SLC35F2: variants seen among roughly 807,000 people sequenced by gnomAD.
The protein encoded by SLC35F2 is solute carrier family 35 member F2.
In SLC35F2, 25 loss-of-function variants were observed where a neutral mutation model predicts 38.1. The observed-to-expected ratio is 0.66, with a 90% CI of 0.48 to 0.92. The LOEUF is 0.92. Among genes scored for constraint, SLC35F2 ranks in the 40% least tolerant of loss-of-function variants. The probability of loss-of-function intolerance (pLI) is 0.00; values close to 1 mark genes in which losing one functional copy is unlikely to be tolerated. For synonymous variants in SLC35F2, 173 were observed against 181.7 expected, an observed-to-expected ratio of 0.95 and a Z score of 0.38; for missense variants, 409 against 452.9, an observed-to-expected ratio of 0.90 and a Z score of 0.88.
At chr11:107,837,559 T>G (rs1453758864) in intron 1 of SLC35F2, among the ~76,000 whole-genome samples, 1 of 148,940 alleles carries the variant, frequency 6.7e-6, no homozygotes. Flanking sequence ...CTGGGCATGG[T>G]TGCACAGACC....
intron 1 of SLC35F2, among the ~76,000 whole-genome samples, chr11:107,830,599 A>AG (rs56313551): frequency 6.7e-6 from 1 of 149,176 alleles, no homozygotes; most frequent in Admixed American, 6.7e-5. Context: ...AAAAAAAAAA[A>AG]GAAAAGAAAA....
At chr11:107,827,768 C>G (rs1177785347) in intron 1 of SLC35F2, among the ~76,000 whole-genome samples, 1 of 139,608 alleles carries the variant, frequency 7.2e-6, no homozygotes, top group Non-Finnish European at 1.5e-5. Flanking sequence ...AAAAAATTAG[C>G]TGGGCGTGGT....
intron 3 of SLC35F2, 139 bp from the exon 4 acceptor site, chr11:107,807,015 G>C (rs1000327366): frequency 5.7e-6 from 4 of 697,648 alleles, no homozygotes; most frequent in Non-Finnish European, 9.3e-6. Flanking sequence ...CCTGTACTAA[G>C]AGCTTTACCT....
At chr11:107,815,452 G>A (rs1194058718) in intron 2 of SLC35F2, among the ~76,000 whole-genome samples, 2 of 151,602 alleles carry the variant, frequency 1.3e-5, no homozygotes, top group Non-Finnish European at 2.9e-5. Context: ...AGCTTACTAG[G>A]GAGGCTGAGG....
intron 1 of SLC35F2, chr11:107,823,876 C>T: frequency 2.1e-5 from 12 of 559,798 alleles, no homozygotes; most frequent in Non-Finnish European, 2.7e-5. Context: ...TTGCAGTGAG[C>T]CAAGATCATG....
intron 1 of SLC35F2, among the ~76,000 whole-genome samples, chr11:107,833,315 A>T (rs1270530056): frequency 6.6e-6 from 1 of 152,008 alleles, no homozygotes; most frequent in African/African-American, 2.4e-5. Context: ...AGCTCAAGAG[A>T]TCAAGACCAT....
At chr11:107,802,859 G>A (rs7109240) in intron 7 of SLC35F2, 142 bp downstream of exon 7, 73,766 of 749,028 alleles carry the variant, frequency 0.098, 7,581 homozygotes, top group East Asian at 0.44. Flanking sequence ...TAATTCAGAA[G>A]CAGCAAAGGG....
intron 1 of SLC35F2, among the ~76,000 whole-genome samples, chr11:107,832,139 A>G (rs999297935): frequency 3.9e-5 from 6 of 152,148 alleles, no homozygotes; most frequent in African/African-American, 1.4e-4. Flanking sequence ...ATAACAATAC[A>G]ACAGAAGTTT....
Position 107,810,685 on chromosome 11 carries a change from G to C in SLC35F2, c.414+982C>G, listed in dbSNP as rs559559351. The C allele has an allele frequency of 3.4e-4, 331 of 984,758 alleles. No homozygotes were observed. In the African/African-American group the frequency reaches 4.0e-3, roughly 12 times the overall value. 61.0% of individuals were successfully genotyped at this position (984,758 alleles called of 1,614,324 possible). ...AACCCATACTGGTCAAAATCCAAGA[G>C]GTTTCCTGAGAACAATGCTTAGCAC... On this transcript the variant is annotated intron_variant, in intron 3 of 7. Transcript: ENST00000525815.
At chr11:107,824,590 A>G (rs1401290000) in intron 1 of SLC35F2, among the ~76,000 whole-genome samples, 1 of 152,224 alleles carries the variant, frequency 6.6e-6, no homozygotes, top group Non-Finnish European at 1.5e-5. Flanking sequence ...ACATAGCAGA[A>G]AGAATCCTAG....
At chr11:107,843,858 AAAAAAAAAAAATATAT>A (rs1252662772) in intron 1 of SLC35F2, among the ~76,000 whole-genome samples, 11 of 39,312 alleles carry the variant, frequency 2.8e-4, no homozygotes, top group African/African-American at 8.7e-4. Context: ...AAAAAAAAAA[AAAAAAAAAAAATATAT>A]ATATATATAT....
chr11:107,802,974 T>A, intron 7 of SLC35F2, 27 bp downstream of exon 7: 1 of 1,572,994 alleles, frequency 6.4e-7, no homozygotes. Flanking sequence ...GCAAGTATTC[T>A]TATTTGAACG....
intron 1 of SLC35F2, among the ~76,000 whole-genome samples, chr11:107,852,206 C>A (rs1860198202): frequency 6.6e-6 from 1 of 151,530 alleles, no homozygotes; most frequent in Non-Finnish European, 1.5e-5. Context: ...TCACTTGAGG[C>A]CAGGAGTTCA....
chr11:107,827,369 C>T (rs907321466), intron 1 of SLC35F2, among the ~76,000 whole-genome samples: 1 of 152,036 alleles, frequency 6.6e-6, no homozygotes, highest in South Asian at 2.1e-4. Context: ...AATACCAGCA[C>T]TTTGCGAGGC....
At chr11:107,817,458 C>T (rs544301261) in intron 1 of SLC35F2, among the ~76,000 whole-genome samples, 1 of 152,034 alleles carries the variant, frequency 6.6e-6, no homozygotes, top group Non-Finnish European at 1.5e-5. Flanking sequence ...AAGCATTCTT[C>T]CTATCCTACT....
intron 1 of SLC35F2, among the ~76,000 whole-genome samples, chr11:107,833,199 G>A (rs567348273): frequency 6.6e-6 from 1 of 152,112 alleles, no homozygotes; most frequent in Non-Finnish European, 1.5e-5. Context: ...CCAATGCTGT[G>A]TGGTTGCAGA....
intron 1 of SLC35F2, among the ~76,000 whole-genome samples, chr11:107,817,596 C>T (rs1859596116): frequency 6.6e-6 from 1 of 152,034 alleles, no homozygotes; most frequent in African/African-American, 2.4e-5. Context: ...AGGTGAAAGC[C>T]ACACTTTAAA....
intron 1 of SLC35F2, among the ~76,000 whole-genome samples, chr11:107,845,843 C>A (rs1860097047): frequency 6.6e-6 from 1 of 151,890 alleles, no homozygotes; most frequent in African/African-American, 2.4e-5. Context: ...ATCCACGCTA[C>A]TCAGGAGGCT....
intron 7 of SLC35F2, among the ~76,000 whole-genome samples, chr11:107,795,703 G>A (rs1859206361): frequency 6.6e-6 from 1 of 152,084 alleles, no homozygotes; most frequent in African/African-American, 2.4e-5. Flanking sequence ...TGGCCAACAG[G>A]TATATGAAAA....
Sources: gnomAD v4.1 joint callset for allele counts (sites outside exome capture counted in the v4.1 genomes callset) on GRCh38, gnomAD v4.1.1 for gene constraint, MANE v1.5 for transcripts, NCBI Gene and HGNC (gene_info 2026-07-23, HGNC 2026-07-21) for gene names.